JAZF1: variants seen among roughly 807,000 people sequenced by gnomAD.
JAZF1 encodes the protein juxtaposed with another zinc finger protein 1.
Under a neutral mutation model 26.4 loss-of-function variants are expected in JAZF1, and 8 were observed. The observed-to-expected ratio is 0.30, with a 90% CI of 0.18 to 0.55. JAZF1 has a LOEUF of 0.55. Ranked by LOEUF, JAZF1 falls within the 20% of genes least tolerant of loss-of-function variation. The pLI is 0.94. For synonymous variants in JAZF1, 126 were observed against 122.3 expected, an observed-to-expected ratio of 1.03 and a Z score of -0.20; for missense variants, 199 against 322.0, an observed-to-expected ratio of 0.62 and a Z score of 2.92.
chr7:28,165,580 C>T (rs1005960958), intron 1 of JAZF1, among the ~76,000 whole-genome samples: 7 of 152,160 alleles, frequency 4.6e-5, no homozygotes, highest in Admixed American at 1.3e-4. Flanking sequence ...CTCTCCTATC[C>T]CACCCCCTCA....
At chr7:27,850,504 T>C (rs1783124797) in intron 3 of JAZF1, among the ~76,000 whole-genome samples, 1 of 152,216 alleles carries the variant, frequency 6.6e-6, no homozygotes, top group African/African-American at 2.4e-5. Context: ...TCTCTGGTAT[T>C]TGGAGTTCTT....
chr7:27,895,484 A>G (rs1583452201), intron 2 of JAZF1, 68 bp from the exon 3 acceptor site: 2 of 1,209,134 alleles, frequency 1.7e-6, no homozygotes, highest in Non-Finnish European at 2.3e-6. Context: ...GACATTTATT[A>G]GAGTTTCAGA....
At chr7:28,132,546 CGG>C (rs1782812284) in intron 1 of JAZF1, among the ~76,000 whole-genome samples, 1 of 152,038 alleles carries the variant, frequency 6.6e-6, no homozygotes. Context: ...ATTATTGCGA[CGG>C]CAATTGGAGC....
chr7:27,883,324 T>C (rs535555350), intron 3 of JAZF1, among the ~76,000 whole-genome samples: 59 of 152,356 alleles, frequency 3.9e-4, no homozygotes, highest in Admixed American at 2.4e-3. Context: ...AAGTGAAATA[T>C]GGCTGTAAAG....
chr7:27,989,437 C>G (rs1409139841), intron 2 of JAZF1, among the ~76,000 whole-genome samples: 6 of 152,100 alleles, frequency 3.9e-5, no homozygotes, highest in Non-Finnish European at 7.4e-5. Context: ...AAAATGGGAT[C>G]TAATTAAACT....
Position 28,174,831 on chromosome 7 carries a change from T to TGTGTGTGG in JAZF1, c.115+5631_115+5632insCCACACAC, listed in dbSNP as rs1364277638. On this transcript the variant is annotated intron_variant, in intron 1 of 4. Coordinates refer to ENST00000283928, the MANE Select transcript of JAZF1 (RefSeq NM_175061.4). ...CCTATGGGGTGTGTGGGTGTGTGTGTGTGTGTGTGTGTGTGTGTATGCACA... is the reference window on the plus strand; with the variant it reads ...CCTATGGGGTGTGTGGGTGTGTGTGTGTGTGTGGGTGTGTGTGTGTGTGTGTATGCACA... Among the ~76,000 whole-genome samples the TGTGTGTGG allele has an allele frequency of 4.2e-5, 5 of 117,974 alleles. 2 individuals carry two copies. Among genetic ancestry groups the TGTGTGTGG allele is most frequent in the Non-Finnish European group, 1.1e-4 (5 of 47,078 alleles). 77.4% of individuals were successfully genotyped at this position (117,974 alleles called of 152,430 possible).
intron 3 of JAZF1, chr7:27,864,040 T>G (rs17155954): frequency 0.23 from 35,309 of 152,106 alleles, 4,349 homozygotes; most frequent in Middle Eastern, 0.34. Context: ...GCCAGCTTTG[T>G]GAACAGAGCC....
chr7:28,020,306 A>G (rs543582424), intron 1 of JAZF1, among the ~76,000 whole-genome samples: 2 of 152,282 alleles, frequency 1.3e-5, no homozygotes, highest in East Asian at 3.9e-4. Context: ...GGAGTGAGGA[A>G]AGTATTTAAG....
chr7:28,071,966 A>T (rs899364021), intron 1 of JAZF1, among the ~76,000 whole-genome samples: 2 of 152,250 alleles, frequency 1.3e-5, no homozygotes, highest in Non-Finnish European at 2.9e-5. Context: ...GAAAATGTTA[A>T]AGAAGAAATT....
chr7:28,049,110 T>C (rs1165831834), intron 1 of JAZF1, among the ~76,000 whole-genome samples: 1 of 143,176 alleles, frequency 7.0e-6, no homozygotes, highest in Non-Finnish European at 1.5e-5. Context: ...TTTGACAGAT[T>C]CTTTCTCTGT....
intron 1 of JAZF1, among the ~76,000 whole-genome samples, chr7:28,091,511 T>A (rs1250669622): frequency 6.6e-6 from 1 of 151,540 alleles, no homozygotes; most frequent in African/African-American, 2.4e-5. Context: ...GAGAATACAG[T>A]TTTACTTTCT....
At chr7:27,941,364 T>C (rs1328130595) in intron 2 of JAZF1, among the ~76,000 whole-genome samples, 1 of 152,196 alleles carries the variant, frequency 6.6e-6, no homozygotes. Flanking sequence ...TAAAATCAAA[T>C]GTTACTACTT....
chr7:28,012,446 C>A (rs965038475), intron 1 of JAZF1, among the ~76,000 whole-genome samples: 16 of 152,006 alleles, frequency 1.1e-4, no homozygotes, highest in Non-Finnish European at 2.4e-4. Flanking sequence ...CTTTAAAAAA[C>A]AAAACCAAAA....
chr7:27,969,935 A>G (rs1785346945), intron 2 of JAZF1, among the ~76,000 whole-genome samples: 3 of 152,246 alleles, frequency 2.0e-5, no homozygotes, highest in Non-Finnish European at 2.9e-5. Context: ...AGGGATGTAC[A>G]ATAGAAAGAT....
chr7:28,174,023 A>G (rs1461360852), intron 1 of JAZF1, among the ~76,000 whole-genome samples: 1 of 152,116 alleles, frequency 6.6e-6, no homozygotes, highest in African/African-American at 2.4e-5. Context: ...CACATAATAA[A>G]TTTCTGACAT....
chr7:28,123,284 C>CATCTTCTTCAG (rs1321754099), intron 1 of JAZF1, among the ~76,000 whole-genome samples: 1 of 151,914 alleles, frequency 6.6e-6, no homozygotes, highest in African/African-American at 2.4e-5. Context: ...AAGTAAGTCT[C>CATCTTCTTCAG]ATCTTCTTCA....
rs547096827 is a variant in JAZF1 at position 28,080,308 on chromosome 7, C to G, written c.116-88327G>C. 2.6e-5 allele frequency among the ~76,000 whole-genome samples: 4 copies of G among 152,294 alleles called. No individual in the cohort carries two copies. The South Asian group carries it at 8.3e-4, about 32-fold the overall frequency. On this transcript the variant is annotated intron_variant, in intron 1 of 4. Transcript: ENST00000283928. ...TTGCTCTGGATCAGGCTTTGGCTTA[C>G]GGGAATGTTATGGCTGTGTTGGTCT... is the stretch of plus-strand genomic sequence containing the variant.
At chr7:28,093,891 AG>A (rs1436253576) in intron 1 of JAZF1, among the ~76,000 whole-genome samples, 1 of 152,206 alleles carries the variant, frequency 6.6e-6, no homozygotes, top group Non-Finnish European at 1.5e-5. Context: ...GACAAAAGTA[AG>A]GGTGTGGGTG....
chr7:27,931,542 T>A (rs920252448), intron 2 of JAZF1, among the ~76,000 whole-genome samples: 2 of 152,138 alleles, frequency 1.3e-5, no homozygotes, highest in Non-Finnish European at 2.9e-5. Flanking sequence ...AGGCTGGGCG[T>A]GGTGGCTCAT....
Sources: gnomAD v4.1 joint callset for allele counts (sites outside exome capture counted in the v4.1 genomes callset) on GRCh38, gnomAD v4.1.1 for gene constraint, MANE v1.5 for transcripts, NCBI Gene and HGNC (gene_info 2026-07-23, HGNC 2026-07-21) for gene names.